The following TACC1 variants were observed in gnomAD, a reference collection of about 807,000 sequenced individuals.
TACC1 encodes transforming acidic coiled-coil-containing protein 1.
A neutral mutation model predicts 84.4 loss-of-function variants in TACC1; 48 were observed. The ratio of observed to expected loss-of-function variants is 0.57; its 90% CI spans 0.45 to 0.72. The LOEUF is 0.72. TACC1 is among the 30% of genes least tolerant of loss of function. The pLI is 0.00. For synonymous variants in TACC1, 372 were observed against 376.3 expected (o/e 0.99, Z 0.13); for missense variants, 920 against 973.0 (o/e 0.95, Z 0.72).
At chr8:38,812,400 G>A (rs527502499) in intron 2 of TACC1, among the ~76,000 whole-genome samples, 33 of 152,168 alleles carry the variant, frequency 2.2e-4, no homozygotes, top group Non-Finnish European at 4.4e-4. Flanking sequence ...CCCCGGCGGC[G>A]GCCCAGCTGT....
rs1257860063 is a variant in TACC1 at position 38,851,064 on chromosome 8, G to C, written c.*3041G>C. 2.0e-5 allele frequency: 3 copies of C among 152,452 alleles called. No individual in the cohort carries two copies. Among genetic ancestry groups the C allele is most frequent in the Non-Finnish European group, 4.4e-5 (3 of 68,038 alleles). 9.4% of individuals were successfully genotyped at this position (152,452 alleles called of 1,614,324 possible). ...AGCCAGTGACCTACCCAAACCTTTT[G>C]TTCTGTAAAACTGCTCTGGAAATAC... On this transcript the variant is annotated 3_prime_UTR_variant, in exon 13 of 13. Transcript: ENST00000317827.
intron 10 of TACC1, 63 bp downstream of exon 10, chr8:38,842,510 G>A (rs1831465084): frequency 6.7e-7 from 1 of 1,500,786 alleles, no homozygotes; most frequent in African/African-American, 1.4e-5. Context: ...TTGGTAACTG[G>A]TCATCAAATA....
intron 8 of TACC1, 108 bp downstream of exon 8, chr8:38,838,654 G>A: frequency 1.1e-6 from 1 of 870,682 alleles, no homozygotes; most frequent in South Asian, 1.5e-5. Context: ...AGTGTTGAGA[G>A]CTTGAGGGCT....
At position 38,764,916 on chromosome 8, in the gene TACC1, T is replaced by C. The variant is rs569154491; in HGVS notation, c.26+19423T>C. ...GAGTTTGAGACCAGCCTGGCCGACG[T>C]TGCGAAACCCTGTCTGTACTAAAAA... On this transcript the variant is annotated intron_variant, in intron 3 of 14. Coordinates refer to the TACC1 transcript ENST00000518415. 4.6e-5 allele frequency among the ~76,000 whole-genome samples: 7 copies of C among 152,300 alleles called. 1 individual carries two copies. The highest frequency in any genetic ancestry group is 1.4e-4 in the African/African-American group (6 of 41,570).
chr8:38,818,923 G>A (rs148493703), intron 2 of TACC1, among the ~76,000 whole-genome samples: 4,513 of 152,088 alleles, frequency 0.03, 216 homozygotes, highest in African/African-American at 0.1. Context: ...GACTACAGGC[G>A]TGTGCCACCA....
chr8:38,757,180 TC>T, intron 3 of TACC1: 1 of 888,236 alleles, frequency 1.1e-6, no homozygotes, highest in Non-Finnish European at 1.4e-6. Context: ...TTCCCCGCTT[TC>T]CCAGCGGCGG....
At chr8:38,769,004 C>T (rs1812854398) in intron 3 of TACC1, among the ~76,000 whole-genome samples, 2 of 128,518 alleles carry the variant, frequency 1.6e-5, no homozygotes, top group Non-Finnish European at 3.2e-5. Flanking sequence ...TGTGAGACTG[C>T]GTGGTGCGTG....
In TACC1 at chr8:38,836,200, G is replaced by A. The variant is rs754110202; in HGVS notation, c.1752G>A (p.Ser584=). Reference sequence around the variant, plus strand: ...CCTCTGCAGAGAAGGCCCCTGTGTCGGTGTCCTGTGGAGGTGAGAGCCCCC... The same window carrying A: ...CCTCTGCAGAGAAGGCCCCTGTGTCAGTGTCCTGTGGAGGTGAGAGCCCCC... The part of the protein sequence containing the change: ...LESSAEKAPV[S]VSCGGESPLD... The change falls in exon 7 of 13, where the codon TCG becomes TCA. Residue 584 remains serine, a synonymous_variant. Transcript: ENST00000317827. 1.6e-5 allele frequency: 26 copies of A among 1,613,252 alleles called. 1 individual carries two copies. The highest frequency in any genetic ancestry group is 3.3e-4 in the Middle Eastern group (2 of 6,084).
At position 38,836,218 on chromosome 8, in the gene TACC1, G is replaced by C. The variant is rs924099128; in HGVS notation, c.1770G>C (p.Glu590Asp). ...KAPVSVSCGGESPLDGICLSE... is the reference protein window; with the variant it reads ...KAPVSVSCGGDSPLDGICLSE... Reference sequence around the variant, plus strand: ...CTGTGTCGGTGTCCTGTGGAGGTGAGAGCCCCCTGGATGGGATCTGCCTCA... The same window carrying C: ...CTGTGTCGGTGTCCTGTGGAGGTGACAGCCCCCTGGATGGGATCTGCCTCA... The change falls in exon 7 of 13, where the codon GAG (glutamate) becomes GAC (aspartate). Residue 590 changes from glutamate (E) to aspartate (D), a missense_variant. This residue lies in a region of TACC1 where 762 missense variants were observed against 747.3 expected (regional missense o/e 1.02). Coordinates refer to ENST00000317827, the MANE Select transcript of TACC1 (RefSeq NM_006283.3). The C allele has an allele frequency of 6.2e-7, 1 of 1,613,218 alleles. No individual in the cohort carries two copies. Among genetic ancestry groups the C allele is most frequent in the Non-Finnish European group, 8.5e-7 (1 of 1,179,920 alleles).
intron 2 of TACC1, among the ~76,000 whole-genome samples, chr8:38,801,905 TTTG>T (rs968143384): frequency 9.2e-5 from 14 of 152,160 alleles, no homozygotes; most frequent in African/African-American, 2.9e-4. Context: ...AGCAATGTTT[TTTG>T]TTGTTGTTGT....
intron 3 of TACC1, among the ~76,000 whole-genome samples, chr8:38,772,063 A>C (rs1377750618): frequency 2.6e-5 from 4 of 152,114 alleles, no homozygotes; most frequent in African/African-American, 7.2e-5. Flanking sequence ...GGAAGGAAGG[A>C]AGGCAGGCAA....
At chr8:38,783,110 A>ATC (rs1563442592), upstream of TACC1, among the ~76,000 whole-genome samples, 2,204 of 93,426 alleles carry the variant, frequency 0.024, 19 homozygotes, top group Non-Finnish European at 0.025. Flanking sequence ...ATCTATCTAT[A>ATC]TATATATATA....
intron 2 of TACC1, among the ~76,000 whole-genome samples, chr8:38,818,172 GC>G (rs1825863659): frequency 1.3e-5 from 2 of 151,842 alleles, no homozygotes; most frequent in Admixed American, 6.6e-5. Flanking sequence ...GGAAGTCAAG[GC>G]TGCAGTGAGC....
intron 2 of TACC1, among the ~76,000 whole-genome samples, chr8:38,792,604 C>T (rs978260752): frequency 3.3e-5 from 5 of 152,078 alleles, no homozygotes; most frequent in Admixed American, 6.5e-5. Context: ...TAGCTAGGAC[C>T]ACAGGCGCCC....
intron 2 of TACC1, chr8:38,742,534 A>G: frequency 3.0e-6 from 3 of 1,007,744 alleles, no homozygotes; most frequent in South Asian, 3.1e-5. Flanking sequence ...AATAACAGAT[A>G]TGTAATCTTT....
At chr8:38,767,915 A>T (rs116453980) in intron 3 of TACC1, among the ~76,000 whole-genome samples, 3,893 of 152,134 alleles carry the variant, frequency 0.026, 163 homozygotes, top group African/African-American at 0.089. Flanking sequence ...TAATTTTTTT[A>T]AAAATTAGCC....
At chr8:38,775,525 C>G (rs570060095) in intron 3 of TACC1, among the ~76,000 whole-genome samples, 1 of 152,258 alleles carries the variant, frequency 6.6e-6, no homozygotes, top group South Asian at 2.1e-4. Flanking sequence ...GGCTGACCTC[C>G]TGGATGTCTT....
intron 2 of TACC1, among the ~76,000 whole-genome samples, chr8:38,815,122 A>G (rs1039583443): frequency 1.3e-5 from 2 of 152,070 alleles, no homozygotes; most frequent in African/African-American, 2.4e-5. Flanking sequence ...CACACCATCC[A>G]CTCCTGCTGG....
At chr8:38,810,932 C>T (rs769284034) in intron 2 of TACC1, among the ~76,000 whole-genome samples, 2 of 152,016 alleles carry the variant, frequency 1.3e-5, no homozygotes, top group Non-Finnish European at 2.9e-5. Context: ...GCCTAGGCAA[C>T]GTAGTGCGAC....
Sources: allele counts gnomAD v4.1 joint callset (sites outside exome capture counted in the v4.1 genomes callset), GRCh38; gene constraint gnomAD v4.1.1; regional missense constraint gnomAD v4.1.1; transcripts MANE v1.5; gene names NCBI Gene and HGNC (gene_info 2026-07-23, HGNC 2026-07-21).